Variants in BTRC observed in about 807,000 individuals in gnomAD.
BTRC encodes the protein F-box/WD repeat-containing protein 1A.
Under a neutral mutation model 85.5 loss-of-function variants are expected in BTRC, and 42 were observed. The observed-to-expected ratio is 0.49, with a 90% CI of 0.38 to 0.64. The LOEUF (loss-of-function observed/expected upper bound fraction) is 0.64, where lower values mean the gene tolerates loss of function less well. Among genes scored for constraint, BTRC ranks in the 30% least tolerant of loss-of-function variants. The probability of loss-of-function intolerance (pLI) is 0.00; values close to 1 mark genes in which losing one functional copy is unlikely to be tolerated. For missense variants in BTRC, 594 were observed against 743.5 expected, an observed-to-expected ratio of 0.80 and a Z score of 2.34; for synonymous variants, 255 against 263.3, an observed-to-expected ratio of 0.97 and a Z score of 0.30.
intron 1 of BTRC, among the ~76,000 whole-genome samples, chr10:101,381,467 A>T (rs1424405479): frequency 6.6e-6 from 1 of 152,216 alleles, no homozygotes; most frequent in Non-Finnish European, 1.5e-5. Flanking sequence ...TTGAAGATCC[A>T]GTAAGAGAGT....
intron 4 of BTRC, among the ~76,000 whole-genome samples, chr10:101,485,715 A>C (rs975978382): frequency 6.6e-6 from 1 of 152,166 alleles, no homozygotes; most frequent in African/African-American, 2.4e-5. Context: ...GAGGCACTTC[A>C]AGATGCTAGA....
intron 4 of BTRC, among the ~76,000 whole-genome samples, chr10:101,489,529 G>A (rs1311103256): frequency 2.0e-5 from 3 of 152,078 alleles, no homozygotes; most frequent in Admixed American, 6.5e-5. Context: ...GTCATGTGAT[G>A]TAAAAAGATC....
chr10:101,507,240 C>T (rs1008789332), intron 4 of BTRC, among the ~76,000 whole-genome samples: 1 of 152,050 alleles, frequency 6.6e-6, no homozygotes, highest in Non-Finnish European at 1.5e-5. Flanking sequence ...ATAAGTAACA[C>T]GCAACCAGTA....
At chr10:101,531,787 A>G (rs2062285851) in intron 7 of BTRC, among the ~76,000 whole-genome samples, 1 of 152,228 alleles carries the variant, frequency 6.6e-6, no homozygotes, top group African/African-American at 2.4e-5. Context: ...ATAAATTGCT[A>G]GGCAAAATTT....
intron 1 of BTRC, among the ~76,000 whole-genome samples, chr10:101,375,243 TAA>T (rs1230420353): frequency 1.3e-5 from 2 of 152,200 alleles, no homozygotes; most frequent in African/African-American, 2.4e-5. Flanking sequence ...TCTGGTTGTT[TAA>T]AAGTGTGTGG....
At chr10:101,493,367 AT>A (rs1946182468) in intron 4 of BTRC, among the ~76,000 whole-genome samples, 1 of 152,250 alleles carries the variant, frequency 6.6e-6, no homozygotes, top group South Asian at 2.1e-4. Context: ...AATCATCACA[AT>A]AGTCTCATTG....
chr10:101,426,093 C>T (rs1944244683), intron 1 of BTRC, among the ~76,000 whole-genome samples: 1 of 152,138 alleles, frequency 6.6e-6, no homozygotes, highest in Non-Finnish European at 1.5e-5. Flanking sequence ...CCACTTTGTT[C>T]CTCATTGCCC....
chr10:101,521,909 G>C (rs370862535), intron 5 of BTRC, 39 bp downstream of exon 5: 5 of 1,455,026 alleles, frequency 3.4e-6, no homozygotes, highest in Admixed American at 3.6e-5. Flanking sequence ...AATTTGCTAT[G>C]ATGATAAGAG....
chr10:101,543,674 A>C (rs1189697609), intron 13 of BTRC, among the ~76,000 whole-genome samples: 2 of 148,168 alleles, frequency 1.3e-5, no homozygotes, highest in African/African-American at 5.0e-5. Flanking sequence ...GTTATATCTC[A>C]CTAATTTGGT....
At chr10:101,463,194 C>T (rs965416271) in intron 3 of BTRC, among the ~76,000 whole-genome samples, 15 of 152,086 alleles carry the variant, frequency 9.9e-5, no homozygotes, top group African/African-American at 3.6e-4. Flanking sequence ...TACAGGTGCC[C>T]ACTACCACAC....
At chr10:101,474,997 T>G (rs946704856) in intron 3 of BTRC, among the ~76,000 whole-genome samples, 5 of 152,224 alleles carry the variant, frequency 3.3e-5, no homozygotes, top group African/African-American at 1.2e-4. Flanking sequence ...CTTCATAAAT[T>G]TATCTTTAAA....
rs1482766774 is a variant in BTRC, at chr10:101,413,144, A to G, written c.49-17201A>G. 2.6e-5 allele frequency among the ~76,000 whole-genome samples: 4 copies of G among 152,040 alleles called. No individual in the cohort carries two copies. In the South Asian group the frequency reaches 6.2e-4, roughly 24 times the overall value. ...TTTGTTTGTTTTGGGTTTGTTTTTG[A>G]GATGGAGTCTTGCTCTGTCGCCCAG... On this transcript the variant is annotated intron_variant, in intron 1 of 14. Coordinates refer to ENST00000370187, the MANE Select transcript of BTRC (RefSeq NM_033637.4).
intron 13 of BTRC, among the ~76,000 whole-genome samples, chr10:101,546,856 A>G (rs1256631198): frequency 6.6e-6 from 1 of 152,248 alleles, no homozygotes; most frequent in Non-Finnish European, 1.5e-5. Context: ...CCAGATCTTC[A>G]CAGAATCAAT....
At chr10:101,383,715 T>C (rs1942996625) in intron 1 of BTRC, among the ~76,000 whole-genome samples, 1 of 152,176 alleles carries the variant, frequency 6.6e-6, no homozygotes, top group Non-Finnish European at 1.5e-5. Flanking sequence ...GAGAATAATA[T>C]GGATATAGTA....
intron 1 of BTRC, among the ~76,000 whole-genome samples, chr10:101,370,711 G>A (rs183856324): frequency 8.1e-4 from 117 of 144,512 alleles, no homozygotes; most frequent in African/African-American, 2.8e-3. Context: ...TGGGACTACA[G>A]GCATGTACCA....
chr10:101,519,075 T>G (rs908444785), intron 4 of BTRC, among the ~76,000 whole-genome samples: 9 of 55,712 alleles, frequency 1.6e-4, no homozygotes, highest in African/African-American at 3.7e-4. Context: ...TCTTCTCAGC[T>G]TTTTTTTTTT....
At chr10:101,387,797 C>G (rs888734687) in intron 1 of BTRC, among the ~76,000 whole-genome samples, 3 of 151,930 alleles carry the variant, frequency 2.0e-5, no homozygotes, top group Admixed American at 1.3e-4. Context: ...TCAAGCGATT[C>G]TCCTGCCTCA....
chr10:101,366,891 T>TATACAA (rs1564730112), intron 1 of BTRC, among the ~76,000 whole-genome samples: 8 of 39,562 alleles, frequency 2.0e-4, no homozygotes, highest in African/African-American at 5.8e-4. Context: ...TATATATTTA[T>TATACAA]ATATATTTAT....
chr10:101,499,564 T>C (rs1270712209), intron 4 of BTRC, among the ~76,000 whole-genome samples: 1 of 151,956 alleles, frequency 6.6e-6, no homozygotes, highest in African/African-American at 2.4e-5. Flanking sequence ...TTATGTATCT[T>C]ACCACCTCCA....
Sources: gnomAD v4.1 joint callset for allele counts (sites outside exome capture counted in the v4.1 genomes callset) on GRCh38, gnomAD v4.1.1 for gene constraint, MANE v1.5 for transcripts, NCBI Gene and HGNC (gene_info 2026-07-23, HGNC 2026-07-21) for gene names.